The following PAM variants were observed in gnomAD, a reference collection of about 807,000 sequenced individuals.
PAM encodes the protein peptidylglycine alpha-amidating monooxygenase, also known as peptidyl-glycine alpha-amidating monooxygenase.
PAM carries 72 observed loss-of-function variants against 122.1 expected under a neutral mutation model. The ratio of observed to expected loss-of-function variants is 0.59; its 90% confidence interval spans 0.49 to 0.72. PAM has a LOEUF of 0.72. PAM is among the 30% of genes least tolerant of loss of function. The pLI is 0.00. For synonymous variants in PAM, 389 were observed against 404.4 expected (o/e 0.96, Z 0.46); for missense variants, 1,106 against 1,183.7 (o/e 0.93, Z 0.96).
At chr5:102,973,316 C>T (rs979873614) in intron 14 of PAM, among the ~76,000 whole-genome samples, 14 of 152,122 alleles carry the variant, frequency 9.2e-5, no homozygotes, top group Non-Finnish European at 7.3e-5. Flanking sequence ...ACTTCATGAA[C>T]TTTCTGTAGT....
rs748174892 is a variant in PAM at position 103,028,946 on chromosome 5, C to G, written c.2803C>G (p.Arg935Gly). The G allele has an allele frequency of 6.2e-7, 1 of 1,613,526 alleles. No homozygotes were observed. Among genetic ancestry groups the G allele is most frequent in the South Asian group, 1.1e-5 (1 of 91,056 alleles). Reference protein sequence around the residue: ...NFFASRKGYSRKGFDRLSTEG... With the variant: ...NFFASRKGYSGKGFDRLSTEG... ...CTTTGCAAGCCGTAAGGGCTACAGTCGAAAAGGGTTTGACCGGCTTAGCAC... is the reference window on the plus strand; with the variant it reads ...CTTTGCAAGCCGTAAGGGCTACAGTGGAAAAGGGTTTGACCGGCTTAGCAC... Residue 935 changes from arginine (R) to glycine (G), a missense_variant, in exon 26 of 26, where the codon CGA (arginine) becomes GGA (glycine). Arg to Gly is a moderately radical substitution (Grantham distance 125, BLOSUM62 -2). Around this residue, in one of 3 missense-constraint regions of PAM, gnomAD observed 333 missense variants for 335.6 expected, o/e 0.99. Coordinates refer to ENST00000438793, the MANE Select transcript of PAM (RefSeq NM_001177306.2).
chr5:102,782,723 C>G (rs113814160), intron 1 of PAM, among the ~76,000 whole-genome samples: 3,646 of 143,358 alleles, frequency 0.025, 151 homozygotes, highest in African/African-American at 0.091. Context: ...CTCTCTCTCT[C>G]TCTGTGTGTG....
intron 3 of PAM, 75 bp from the exon 4 acceptor site, chr5:102,901,281 C>G: frequency 1.2e-6 from 1 of 852,518 alleles, no homozygotes; most frequent in Non-Finnish European, 1.9e-6. Flanking sequence ...GTCATAGAAG[C>G]CACGTTTTAA....
intron 3 of PAM, among the ~76,000 whole-genome samples, chr5:102,885,891 C>T (rs1406659093): frequency 6.6e-6 from 1 of 151,918 alleles, no homozygotes; most frequent in Non-Finnish European, 1.5e-5. Context: ...ACAGTTACCG[C>T]CCACAGCATT....
chr5:102,896,067 A>G (rs1796132361), intron 3 of PAM: 1 of 151,738 alleles, frequency 6.6e-6, no homozygotes, highest in Non-Finnish European at 1.5e-5. Context: ...TTCCACCGCT[A>G]TCGCCACCCT....
intron 15 of PAM, among the ~76,000 whole-genome samples, chr5:102,976,620 A>G (rs995204556): frequency 1.3e-5 from 2 of 152,190 alleles, no homozygotes; most frequent in African/African-American, 4.8e-5. Context: ...CTAATTTACT[A>G]TAAGGAATTG....
intron 3 of PAM, among the ~76,000 whole-genome samples, chr5:102,867,721 T>C (rs1421863413): frequency 6.6e-6 from 1 of 152,234 alleles, no homozygotes; most frequent in Non-Finnish European, 1.5e-5. Context: ...TGAAAAATTA[T>C]TCTAATAAAG....
chr5:102,932,168 TAAA>T (rs1175571015), intron 7 of PAM, among the ~76,000 whole-genome samples: 1 of 152,206 alleles, frequency 6.6e-6, no homozygotes, highest in Non-Finnish European at 1.5e-5. Context: ...ACTATAATGT[TAAA>T]ACATCTTGGA....
chr5:102,866,498 G>A (rs1581115227), intron 2 of PAM: 5 of 556,464 alleles, frequency 9.0e-6, no homozygotes, highest in African/African-American at 7.6e-5. Flanking sequence ...CCAATTAGAA[G>A]TTGTGATTTC....
chr5:102,905,198 T>G (rs546858295), intron 4 of PAM, among the ~76,000 whole-genome samples: 49 of 151,718 alleles, frequency 3.2e-4, no homozygotes, highest in Non-Finnish European at 4.4e-4. Flanking sequence ...TAAAAGGTGT[T>G]TTACAGACAC....
intron 5 of PAM, 96 bp downstream of exon 5, chr5:102,914,117 A>G (rs999738885): frequency 5.6e-6 from 4 of 710,910 alleles, no homozygotes; most frequent in African/African-American, 1.8e-5. Flanking sequence ...TAGTTAATAA[A>G]TAGGCAGAAC....
At chr5:102,932,717 T>A (rs1751996270) in intron 7 of PAM, among the ~76,000 whole-genome samples, 1 of 151,720 alleles carries the variant, frequency 6.6e-6, no homozygotes, top group African/African-American at 2.4e-5. Flanking sequence ...AATTAGATGG[T>A]ACATGTTAAA....
At chr5:102,937,083 A>T (rs182654861) in intron 7 of PAM, among the ~76,000 whole-genome samples, 78 of 152,268 alleles carry the variant, frequency 5.1e-4, no homozygotes, top group African/African-American at 1.8e-3. Flanking sequence ...TTCATTTAGA[A>T]ATTCGAAGAA....
intron 6 of PAM, 125 bp downstream of exon 6, chr5:102,925,167 G>C: frequency 1.5e-6 from 1 of 655,658 alleles, no homozygotes; most frequent in Non-Finnish European, 2.8e-6. Flanking sequence ...CACAGTGAAA[G>C]TACTTGCATT....
At position 103,029,282 on chromosome 5, in the gene PAM, A is replaced by G; in HGVS notation, c.*217A>G. ...ACAGTGCCATTGTCTTTATATGAACATAGACTAGAGAAACCGTCCTCTTTT... is the reference window on the plus strand; with the variant it reads ...ACAGTGCCATTGTCTTTATATGAACGTAGACTAGAGAAACCGTCCTCTTTT... On this transcript the variant is annotated 3_prime_UTR_variant, in exon 26 of 26. Transcript: ENST00000438793. 2.6e-6 allele frequency: 1 copy of G among 391,692 alleles called. No individual in the cohort carries two copies. The highest frequency in any genetic ancestry group is 4.5e-6 in the Non-Finnish European group (1 of 221,890). 24.3% of individuals were successfully genotyped at this position (391,692 alleles called of 1,614,324 possible).
intron 1 of PAM, among the ~76,000 whole-genome samples, chr5:102,794,839 C>G (rs1762942105): frequency 6.6e-6 from 1 of 151,880 alleles, no homozygotes; most frequent in South Asian, 2.1e-4. Context: ...TTTGGCTTTC[C>G]TCAAACTTAA....
rs527385799 is a variant in PAM, at chr5:102,848,700, A to T, written c.-373-17123A>T. On this transcript the variant is annotated intron_variant, in intron 1 of 25. Coordinates refer to ENST00000438793, the MANE Select transcript of PAM (RefSeq NM_001177306.2). ...CAGATAATAGAACTGAAACTAGAAA[A>T]TGGAGAGAGTTGATAGGTAAAGTTG... 1.1e-3 allele frequency among the ~76,000 whole-genome samples: 166 copies of T among 152,342 alleles called. 1 individual carries two copies. Among genetic ancestry groups the T allele is most frequent in the African/African-American group, 3.8e-3 (156 of 41,586 alleles).
intron 1 of PAM, among the ~76,000 whole-genome samples, chr5:102,790,593 T>A (rs1333206692): frequency 6.6e-6 from 1 of 152,062 alleles, no homozygotes; most frequent in Non-Finnish European, 1.5e-5. Context: ...GGTATTAGGT[T>A]AGACAGAGAT....
intron 14 of PAM, among the ~76,000 whole-genome samples, chr5:102,970,451 C>T (rs78193150): frequency 6.6e-6 from 1 of 152,014 alleles, no homozygotes; most frequent in Non-Finnish European, 1.5e-5. Flanking sequence ...GATGGAAAAG[C>T]CTGAAGGATA....
Sources: allele counts gnomAD v4.1 joint callset (sites outside exome capture counted in the v4.1 genomes callset), GRCh38; gene constraint gnomAD v4.1.1; regional missense constraint gnomAD v4.1.1; transcripts MANE v1.5; gene names NCBI Gene and HGNC (gene_info 2026-07-23, HGNC 2026-07-21).